Variants in BTBD1 observed in about 807,000 individuals in gnomAD.
The protein encoded by BTBD1 is BTB/POZ domain-containing protein 1.
A neutral mutation model predicts 48.0 loss-of-function variants in BTBD1; 34 were observed. The observed-to-expected ratio is 0.71, with a 90% CI of 0.54 to 0.94. The LOEUF (loss-of-function observed/expected upper bound fraction) is 0.94. Ranked by LOEUF, BTBD1 falls within the 40% of genes least tolerant of loss-of-function variation. The pLI, the probability that BTBD1 is intolerant of heterozygous loss-of-function variation, is 0.00. For missense variants in BTBD1, 543 were observed against 625.6 expected (o/e 0.87, Z 1.41); for synonymous variants, 261 against 242.1 (o/e 1.08, Z -0.72).
chr15:83,029,614 G>C (rs2032477680), intron 5 of BTBD1: 1 of 153,188 alleles, frequency 6.5e-6, no homozygotes, highest in Non-Finnish European at 1.5e-5. Context: ...GCTCACCCCT[G>C]TAACCCCAGC....
intron 5 of BTBD1, chr15:83,029,846 G>T: frequency 2.9e-6 from 1 of 346,292 alleles, no homozygotes; most frequent in Non-Finnish European, 5.3e-6. Context: ...TCCAGCCTGA[G>T]TGACAGAGCG....
intron 5 of BTBD1, among the ~76,000 whole-genome samples, chr15:83,026,969 C>CGTGTGT (rs71156067): frequency 0.022 from 3,261 of 150,252 alleles, 46 homozygotes; most frequent in Middle Eastern, 0.035. Context: ...AGGGGAAATA[C>CGTGTGT]GTGTGTGTGT....
At chr15:83,027,938 A>G (rs191837892) in intron 5 of BTBD1, among the ~76,000 whole-genome samples, 34 of 152,374 alleles carry the variant, frequency 2.2e-4, no homozygotes, top group Admixed American at 2.2e-3. Flanking sequence ...GTATTGAACT[A>G]CATATTTTAC....
intron 7 of BTBD1, 117 bp from the exon 8 acceptor site, chr15:83,018,342 T>G (rs2032213121): frequency 1.1e-6 from 1 of 893,004 alleles, no homozygotes; most frequent in South Asian, 3.5e-5. Context: ...ATATAAAATT[T>G]TATGCTGTCA....
intron 3 of BTBD1, chr15:83,044,380 C>A (rs1313496648): frequency 1.3e-6 from 2 of 1,541,644 alleles, no homozygotes; most frequent in East Asian, 4.7e-5. Context: ...GGCCACAGTT[C>A]AGCAGCTGGG....
chr15:83,032,969 C>CAAAAAAAAAAAAAAAAAAAAAAAAA (rs56152195), intron 4 of BTBD1, among the ~76,000 whole-genome samples: 4 of 86,996 alleles, frequency 4.6e-5, no homozygotes, highest in African/African-American at 2.0e-4. Flanking sequence ...TACTCTGTCT[C>CAAAAAAAAAAAAAAAAAAAAAAAAA]AAAAAAAAAA....
intron 2 of BTBD1, among the ~76,000 whole-genome samples, chr15:83,051,350 A>G (rs1429344826): frequency 1.3e-5 from 2 of 152,142 alleles, no homozygotes; most frequent in Admixed American, 6.6e-5. Flanking sequence ...AAAGTATTCA[A>G]TAATTCAGAT....
intron 4 of BTBD1, among the ~76,000 whole-genome samples, chr15:83,033,641 G>A (rs1339716394): frequency 6.6e-6 from 1 of 152,136 alleles, no homozygotes; most frequent in Non-Finnish European, 1.5e-5. Context: ...GTGCAGTGGT[G>A]TGATCACGGC....
chr15:83,049,479 A>G (rs1342703700), intron 3 of BTBD1, among the ~76,000 whole-genome samples: 9 of 152,176 alleles, frequency 5.9e-5, no homozygotes, highest in Non-Finnish European at 1.2e-4. Flanking sequence ...TTTTCCTAAC[A>G]CTACTGCAAT....
At chr15:83,031,717 C>T (rs12911891) in intron 4 of BTBD1, among the ~76,000 whole-genome samples, 18,280 of 151,606 alleles carry the variant, frequency 0.12, 1,177 homozygotes, top group Middle Eastern at 0.23. Flanking sequence ...ACATGGCACA[C>T]GTATACGTAT....
At chr15:83,054,295 C>A (rs12441006) in intron 2 of BTBD1, among the ~76,000 whole-genome samples, 29,679 of 151,874 alleles carry the variant, frequency 0.2, 3,087 homozygotes, top group Non-Finnish European at 0.22. Context: ...CCGAACTGCA[C>A]CACTGCACTC....
chr15:83,065,195 G>T (rs1189737447), intron 1 of BTBD1, among the ~76,000 whole-genome samples: 1 of 152,190 alleles, frequency 6.6e-6, no homozygotes, highest in Non-Finnish European at 1.5e-5. Flanking sequence ...TGCAATACTT[G>T]AATGCTTCTT....
In BTBD1 at chr15:83,042,031, T is replaced by C. The variant is rs1435380948; in HGVS notation, c.665-106A>G. On this transcript the variant is annotated intron_variant, in intron 3 of 7. Coordinates refer to ENST00000261721, the MANE Select transcript of BTBD1 (RefSeq NM_025238.4). ...TAAGTTTTCAGATCTCAACAAAAAATAGGTTAGACACTTAAAACTACAGAC... is the reference window on the plus strand; with the variant it reads ...TAAGTTTTCAGATCTCAACAAAAAACAGGTTAGACACTTAAAACTACAGAC... 6.9e-6 allele frequency: 6 copies of C among 866,142 alleles called. No individual in the cohort carries two copies. In the East Asian group the frequency reaches 1.6e-4, roughly 23 times the overall value. 53.7% of individuals were successfully genotyped at this position (866,142 alleles called of 1,614,324 possible). A position where few individuals can be genotyped will look rare whatever the true frequency, so the allele number is the denominator to read the frequency against.
chr15:83,044,862 C>T lies in BTBD1; in HGVS notation c.665-2937G>A, dbSNP rs1038807266. 10 of 767,880 alleles carry T rather than the reference C, an allele frequency of 1.3e-5. No individual in the cohort carries two copies. In the African/African-American group the frequency reaches 1.7e-4, roughly 13 times the overall value. The allele number at this position is 767,880 out of a possible 1,614,324, so 47.6% of individuals were successfully genotyped here. A position where few individuals can be genotyped will look rare whatever the true frequency, so the allele number is the denominator to read the frequency against. ...ATCTCCATAGTGTTTTTTTTCATTA[C>T]TGTGTTCAATTATCTTTATCACAAA... On this transcript the variant is annotated intron_variant, in intron 3 of 7. Coordinates refer to ENST00000261721, the MANE Select transcript of BTBD1 (RefSeq NM_025238.4).
chr15:83,033,520 T>C (rs1425203072), intron 4 of BTBD1, among the ~76,000 whole-genome samples: 1 of 152,178 alleles, frequency 6.6e-6, no homozygotes, highest in Non-Finnish European at 1.5e-5. Flanking sequence ...GAAGGTTAAA[T>C]ATAGCAAAAG....
chr15:83,052,552 T>C (rs1051854597), intron 2 of BTBD1, among the ~76,000 whole-genome samples: 7 of 152,208 alleles, frequency 4.6e-5, no homozygotes, highest in Admixed American at 3.9e-4. Context: ...TACTACGGCA[T>C]CTAGTCTAGG....
At chr15:83,042,782 C>T (rs1403438104) in intron 3 of BTBD1, among the ~76,000 whole-genome samples, 3 of 152,128 alleles carry the variant, frequency 2.0e-5, no homozygotes, top group East Asian at 1.9e-4. Flanking sequence ...CAAGTAAATT[C>T]GAGTATCTTA....
intron 4 of BTBD1, among the ~76,000 whole-genome samples, chr15:83,041,368 ATTT>A (rs903109976): frequency 7.0e-6 from 1 of 143,068 alleles, no homozygotes. Context: ...GACTGATAGA[ATTT>A]TTTTTTTTTT....
chr15:83,036,985 T>C (rs536543123), intron 4 of BTBD1, among the ~76,000 whole-genome samples: 20 of 152,190 alleles, frequency 1.3e-4, no homozygotes, highest in Admixed American at 3.3e-4. Flanking sequence ...ATAAGTATGT[T>C]CACTTTATTT....
Sources: allele counts gnomAD v4.1 joint callset (sites outside exome capture counted in the v4.1 genomes callset), GRCh38; gene constraint gnomAD v4.1.1; transcripts MANE v1.5; gene names NCBI Gene and HGNC (gene_info 2026-07-23, HGNC 2026-07-21).